The following NOS1 variants were observed in gnomAD, a reference collection of about 807,000 sequenced individuals.
NOS1 encodes the protein NOS type I.
NOS1 carries 51 observed loss-of-function variants against 164.5 expected under a neutral mutation model. That is an observed-to-expected ratio of 0.31 (90% confidence interval 0.25 to 0.39). NOS1 has a LOEUF of 0.39. NOS1 is among the 10% of genes least tolerant of loss of function. The pLI is 1.00. For missense variants in NOS1, 1,362 were observed against 1,885.6 expected, an observed-to-expected ratio of 0.72 and a Z score of 5.14; for synonymous variants, 719 against 745.8, an observed-to-expected ratio of 0.96 and a Z score of 0.59.
chr12:117,269,528 G>C (rs1397093470), intron 10 of NOS1, among the ~76,000 whole-genome samples: 1 of 135,892 alleles, frequency 7.4e-6, no homozygotes, highest in East Asian at 2.2e-4. Flanking sequence ...GTGCAGTGTC[G>C]TGATCTCGGC....
intron 2 of NOS1, among the ~76,000 whole-genome samples, chr12:117,326,010 C>T (rs1382399748): frequency 6.6e-6 from 1 of 152,116 alleles, no homozygotes; most frequent in Non-Finnish European, 1.5e-5. Flanking sequence ...CATGAATTAG[C>T]ATCCAGTTAG....
chr12:117,332,875 C>T lies in NOS1; in HGVS notation c.-420-1386G>A, dbSNP rs570665455. Among the ~76,000 whole-genome samples the T allele has an allele frequency of 3.9e-5, 6 of 152,262 alleles. No individual in the cohort carries two copies. The South Asian group carries it at 6.2e-4, about 16-fold the overall frequency. On this transcript the variant is annotated intron_variant, in intron 1 of 28. Transcript: ENST00000317775. ...GTGAAACTCTGTCTCCCCTGCCCCC[C>T]GCCAAAATCAAATTTATATTCTAGT...
chr12:117,232,166 G>A (rs1170521096), intron 21 of NOS1, 35 bp from the exon 22 acceptor site: 2 of 1,606,524 alleles, frequency 1.2e-6, no homozygotes, highest in East Asian at 2.2e-5. Flanking sequence ...AGGTGGGTGT[G>A]GGAGGGCTTG....
Position 117,208,539 on chromosome 12 carries a change from G to T in NOS1, c.*6770C>A. On this transcript the variant is annotated 3_prime_UTR_variant, in exon 29 of 29. Transcript: ENST00000317775. ...TTCTGGAAAACCACTGCTGAGCCAG[G>T]AGTGTGAGTCTTAACAATCACAACG... 1 of 1,217,994 alleles carries T rather than the reference G, an allele frequency of 8.2e-7. No individual in the cohort carries two copies. Among genetic ancestry groups the T allele is most frequent in the South Asian group, 1.4e-5 (1 of 69,800 alleles). The allele number at this position is 1,217,994 out of a possible 1,614,324, so 75.4% of individuals were successfully genotyped here. A position where few individuals can be genotyped will look rare whatever the true frequency, so the allele number is the denominator to read the frequency against.
chr12:117,320,942 C>T (rs1874888981), intron 2 of NOS1, among the ~76,000 whole-genome samples: 1 of 152,176 alleles, frequency 6.6e-6, no homozygotes, highest in Non-Finnish European at 1.5e-5. Context: ...CCCCAAGCCC[C>T]TTTTCTTCAA....
chr12:117,355,984 T>C lies in NOS1; in HGVS notation c.-421+5528A>G, dbSNP rs536014748. On this transcript the variant is annotated intron_variant, in intron 1 of 28. Coordinates refer to ENST00000317775, the MANE Select transcript of NOS1 (RefSeq NM_000620.5). ...CCCAGGCTGGGCTCAAACGCTGAGCTCAAACAATCCTCCTGCCTCAGTCTC... is the reference window on the plus strand; with the variant it reads ...CCCAGGCTGGGCTCAAACGCTGAGCCCAAACAATCCTCCTGCCTCAGTCTC... 2.6e-5 allele frequency among the ~76,000 whole-genome samples: 4 copies of C among 152,300 alleles called. No individual in the cohort carries two copies. The South Asian group carries it at 8.3e-4, about 32-fold the overall frequency.
At position 117,237,001 on chromosome 12, in the gene NOS1, A is replaced by G. The variant is rs112487978; in HGVS notation, c.3042-2243T>C. On this transcript the variant is annotated intron_variant, in intron 20 of 28. Coordinates refer to ENST00000317775, the MANE Select transcript of NOS1 (RefSeq NM_000620.5). The stretch of plus-strand genomic sequence containing the variant: ...CATGCCGCTTGCTGAGAACCCTGGC[A>G]GAATGGCTGTGGGGCCCCAGGGCAC... 9.2e-5 allele frequency among the ~76,000 whole-genome samples: 14 copies of G among 152,310 alleles called. 1 individual carries two copies. Among genetic ancestry groups the G allele is most frequent in the African/African-American group, 2.9e-4 (12 of 41,550 alleles).
At chr12:117,294,844 GC>G (rs1462981308) in intron 3 of NOS1, among the ~76,000 whole-genome samples, 1 of 152,084 alleles carries the variant, frequency 6.6e-6, no homozygotes, top group African/African-American at 2.4e-5. Context: ...TGGGACACCC[GC>G]CCCTAAGTGT....
At chr12:117,271,982 A>G (rs1175786657) in intron 10 of NOS1, among the ~76,000 whole-genome samples, 2 of 152,174 alleles carry the variant, frequency 1.3e-5, no homozygotes, top group Non-Finnish European at 2.9e-5. Context: ...TAAGACCGAG[A>G]GGCAGCGGAG....
chr12:117,264,678 C>T (rs1454644913), intron 12 of NOS1, among the ~76,000 whole-genome samples: 3 of 143,980 alleles, frequency 2.1e-5, no homozygotes, highest in East Asian at 4.2e-4. Context: ...CCCTCTCCCC[C>T]TCTTCATCCT....
intron 14 of NOS1, 64 bp downstream of exon 14, chr12:117,260,401 C>G: frequency 1.3e-6 from 2 of 1,582,528 alleles, no homozygotes; most frequent in South Asian, 1.1e-5. Context: ...TGACTTCCCT[C>G]TCTCCCCTTC....
chr12:117,323,361 A>C (rs1875081036), intron 2 of NOS1, among the ~76,000 whole-genome samples: 3 of 152,202 alleles, frequency 2.0e-5, no homozygotes, highest in Admixed American at 6.5e-5. Context: ...CTCTGAGAAA[A>C]TATTCCAGTG....
chr12:117,352,434 C>T (rs964223075), intron 1 of NOS1, among the ~76,000 whole-genome samples: 1 of 152,160 alleles, frequency 6.6e-6, no homozygotes, highest in Non-Finnish European at 1.5e-5. Flanking sequence ...AAACCTCAAG[C>T]TCATTTCTCA....
At chr12:117,225,968 A>T (rs1336833017) in intron 24 of NOS1, among the ~76,000 whole-genome samples, 1 of 152,216 alleles carries the variant, frequency 6.6e-6, no homozygotes, top group African/African-American at 2.4e-5. Flanking sequence ...TCTTTAAATC[A>T]AGGAGTCACA....
intron 1 of NOS1, among the ~76,000 whole-genome samples, chr12:117,349,911 A>T (rs1876538518): frequency 6.6e-6 from 1 of 151,714 alleles, no homozygotes; most frequent in African/African-American, 2.4e-5. Flanking sequence ...TTTTGTAGAG[A>T]TTGGGGTCTT....
chr12:117,338,071 G>T (rs1566082606), intron 1 of NOS1, among the ~76,000 whole-genome samples: 1 of 151,994 alleles, frequency 6.6e-6, no homozygotes, highest in Non-Finnish European at 1.5e-5. Context: ...AAAAAAGTTA[G>T]CTGGGTGTGG....
intron 2 of NOS1, among the ~76,000 whole-genome samples, chr12:117,326,464 G>C (rs983473683): frequency 6.6e-6 from 1 of 151,906 alleles, no homozygotes; most frequent in African/African-American, 2.4e-5. Flanking sequence ...CATTGAGCAA[G>C]GAGGACACAC....
At position 117,209,239 on chromosome 12, in the gene NOS1, T is replaced by A; in HGVS notation, c.*6070A>T. On this transcript the variant is annotated 3_prime_UTR_variant, in exon 29 of 29. Transcript: ENST00000317775. Reference sequence around the variant, plus strand: ...GAGGGGTGTTGCCCCCTGGGGACATTGGGCAATGTCTGATGACATACTTGA... The same window carrying A: ...GAGGGGTGTTGCCCCCTGGGGACATAGGGCAATGTCTGATGACATACTTGA... The A allele has an allele frequency of 1.0e-6, 1 of 982,718 alleles. No homozygotes were observed. The highest frequency in any genetic ancestry group is 1.2e-6 in the Non-Finnish European group (1 of 827,482). The allele number at this position is 982,718 out of a possible 1,614,324, so 60.9% of individuals were successfully genotyped here.
rs1310358190 is a variant in NOS1, at chr12:117,220,176, C to T, written c.4069G>A (p.Val1357Ile). Residue 1357 changes from valine (V) to isoleucine (I), a missense_variant, in exon 27 of 29, where the codon GTC becomes ATC. Physicochemically the swap from Val to Ile is conservative, Grantham distance 29. Transcript: ENST00000317775. ...QGGHIYVCGD[V>I]TMAADVLKAI... ...TTGAGGACATCAGCAGCCATGGTGA[C>T]GTCCCCACAGACGTATATGTGGCCC... is the stretch of plus-strand genomic sequence containing the variant. 1.2e-6 allele frequency: 2 copies of T among 1,613,992 alleles called. No homozygotes were observed. Among genetic ancestry groups the T allele is most frequent in the South Asian group, 1.1e-5 (1 of 91,086 alleles).
Sources: gnomAD v4.1 joint callset for allele counts (sites outside exome capture counted in the v4.1 genomes callset) on GRCh38, gnomAD v4.1.1 for gene constraint, MANE v1.5 for transcripts, NCBI Gene and HGNC (gene_info 2026-07-23, HGNC 2026-07-21) for gene names.